The following PIGG variants were observed in gnomAD, a reference collection of about 807,000 sequenced individuals.
PIGG encodes GPI ethanolamine phosphate transferase 2, catalytic subunit.
PIGG carries 70 observed loss-of-function variants against 83.2 expected under a neutral mutation model. The ratio of observed to expected loss-of-function variants is 0.84; its 90% CI spans 0.69 to 1.03. The LOEUF (loss-of-function observed/expected upper bound fraction) is 1.03. Ranked by LOEUF, PIGG falls within the 50% of genes least tolerant of loss-of-function variation. The probability of loss-of-function intolerance (pLI) is 0.00; values close to 1 mark genes in which losing one functional copy is unlikely to be tolerated. For missense variants in PIGG, 1,257 were observed against 1,233.6 expected, an observed-to-expected ratio of 1.02 and a Z score of -0.28; for synonymous variants, 532 against 519.5, an observed-to-expected ratio of 1.02 and a Z score of -0.33.
chr4:526,420 C>T (rs1302891095), intron 9 of PIGG, among the ~76,000 whole-genome samples: 3 of 152,334 alleles, frequency 2.0e-5, no homozygotes, highest in South Asian at 2.1e-4. Flanking sequence ...GCATCGCGGT[C>T]GGGACTCCGG....
intron 12 of PIGG, among the ~76,000 whole-genome samples, chr4:538,116 C>G (rs544751602): frequency 6.6e-6 from 1 of 151,736 alleles, no homozygotes; most frequent in Admixed American, 6.6e-5. Context: ...GCAGCGGGAC[C>G]CACACACCCA....
intron 5 of PIGG, among the ~76,000 whole-genome samples, chr4:512,182 C>A (rs1480640794): frequency 2.0e-5 from 3 of 151,398 alleles, no homozygotes; most frequent in Non-Finnish European, 4.4e-5. Flanking sequence ...TATTGTTAAA[C>A]CCCTTTAGTG....
Position 528,442 on chromosome 4 carries a change from G to A in PIGG, c.2261+1212G>A, listed in dbSNP as rs1728250921. The A allele has an allele frequency of 2.0e-6, 2 of 985,290 alleles. No homozygotes were observed. The highest frequency in any genetic ancestry group is 2.4e-6 in the Non-Finnish European group (2 of 829,918). The allele number at this position is 985,290 out of a possible 1,614,324, so 61.0% of individuals were successfully genotyped here. ...TGAGGGGTGGCCGTGGGGCTCCGGG[G>A]GCACCCCTGGAAGTACTTCCTGGCT... On this transcript the variant is annotated intron_variant, in intron 10 of 12. Coordinates refer to ENST00000453061, the MANE Select transcript of PIGG (RefSeq NM_001127178.3). The surrounding 1 kb of genome is among the most constrained non-coding windows in gnomAD (Gnocchi z 4.8).
chr4:508,019 CTCTG>C (rs1720453724), intron 4 of PIGG, among the ~76,000 whole-genome samples: 1 of 152,226 alleles, frequency 6.6e-6, no homozygotes, highest in Non-Finnish European at 1.5e-5. Context: ...TTCTGTGTCA[CTCTG>C]TCTGTTCTGT....
Position 507,575 on chromosome 4 carries a change from C to T in PIGG, c.741C>T (p.His247=), listed in dbSNP as rs1553880406. Reference sequence around the variant, plus strand: ...TGGACAGCGTGCTGATGAAGATCCACACCTCACTGCAGTCGAAGGTGAGGC... The same window carrying T: ...TGGACAGCGTGCTGATGAAGATCCATACCTCACTGCAGTCGAAGGTGAGGC... ...SEMDSVLMKI[H]TSLQSKERET... Residue 247 remains histidine, a synonymous_variant, in exon 4 of 13, where the codon CAC becomes CAT. Transcript: ENST00000453061. The T allele has an allele frequency of 1.9e-6, 3 of 1,612,712 alleles. No individual in the cohort carries two copies. Among genetic ancestry groups the T allele is most frequent in the South Asian group, 2.2e-5 (2 of 90,916 alleles).
At chr4:509,064 C>T (rs1720933200) in intron 5 of PIGG, 94 bp downstream of exon 5, 1 of 1,099,570 alleles carries the variant, frequency 9.1e-7, no homozygotes, top group South Asian at 1.6e-5. Flanking sequence ...TTAGAAGCTC[C>T]ATAAGGTTGA....
Position 515,871 on chromosome 4 carries a change from G to C in PIGG, c.902-102G>C. The C allele has an allele frequency of 1.2e-6, 1 of 867,526 alleles. No homozygotes were observed. Among genetic ancestry groups the C allele is most frequent in the East Asian group, 2.4e-5 (1 of 41,088 alleles). The allele number at this position is 867,526 out of a possible 1,614,324, so 53.7% of individuals were successfully genotyped here. A position where few individuals can be genotyped will look rare whatever the true frequency, so the allele number is the denominator to read the frequency against. On this transcript the variant is annotated intron_variant, in intron 5 of 12. Transcript: ENST00000453061. This position sits in a 1 kb window ranked among gnomAD's most constrained non-coding sequence, Gnocchi z 4.2. ...TCTGTGTTGAGTGGTGTGAAGAGAC[G>C]GATCATTTGGCTCATGTTAGTTGTA...
At position 504,910 on chromosome 4, in the gene PIGG, C is replaced by T. The variant is rs79753940; in HGVS notation, c.361-808C>T. On this transcript the variant is annotated intron_variant, in intron 2 of 12. Transcript: ENST00000453061. ...AGGGTGGGAGCAGAAGAGACTATCC[C>T]AGTGGCCTCCCTGGCCCCCAGTTCA... 1.6e-3 allele frequency among the ~76,000 whole-genome samples: 240 copies of T among 152,280 alleles called. 1 individual carries two copies. Among genetic ancestry groups the T allele is most frequent in the African/African-American group, 5.6e-3 (234 of 41,554 alleles).
chr4:501,035 T>C, intron 2 of PIGG: 1 of 435,770 alleles, frequency 2.3e-6, no homozygotes, highest in South Asian at 1.7e-5. Flanking sequence ...TCCACCAGTA[T>C]ACATAATGAT....
rs1360435800 is a variant in PIGG at position 505,624 on chromosome 4, C to A, written c.361-94C>A. On this transcript the variant is annotated intron_variant, in intron 2 of 12. Coordinates refer to ENST00000453061, the MANE Select transcript of PIGG (RefSeq NM_001127178.3). Reference sequence around the variant, plus strand: ...CTCCATCCTGAGCAACAGAGAGGGACCCTGTCTCAAAAAAAAAAAAAAAAA... The same window carrying A: ...CTCCATCCTGAGCAACAGAGAGGGAACCTGTCTCAAAAAAAAAAAAAAAAA... 4 of 819,000 alleles carry A rather than the reference C, an allele frequency of 4.9e-6. No homozygotes were observed. In the East Asian group the frequency reaches 7.4e-5, roughly 15 times the overall value. 50.7% of individuals were successfully genotyped at this position (819,000 alleles called of 1,614,324 possible).
In PIGG at chr4:539,325, G is replaced by T. The variant is rs371821568; in HGVS notation, c.2908G>T (p.Val970Leu). Residue 970 changes from valine (V) to leucine (L), a missense_variant, in exon 13 of 13, where the codon GTA becomes TTA. Transcript: ENST00000453061. The stretch of plus-strand genomic sequence containing the variant: ...CCTGCTCATTACAGCTGCTGTCTGT[G>T]TATTCTTCACGGCAATGGATCAAAC... The part of the protein sequence containing the change: ...MHLLITAAVC[V>L]FFTAMDQTRL... 15 of 1,613,636 alleles carry T rather than the reference G, an allele frequency of 9.3e-6. No homozygotes were observed. Among genetic ancestry groups the T allele is most frequent in the Non-Finnish European group, 1.3e-5 (15 of 1,179,668 alleles).
chr4:508,992 CA>C, intron 5 of PIGG, 22 bp downstream of exon 5: 1 of 1,594,986 alleles, frequency 6.3e-7, no homozygotes, highest in South Asian at 1.1e-5. Context: ...GGAATGTTAA[CA>C]GTTGGAAATT....
At position 533,890 on chromosome 4, in the gene PIGG, C is replaced by T. The variant is rs754519011; in HGVS notation, c.2644C>T (p.Pro882Ser). 8 of 1,614,214 alleles carry T rather than the reference C, an allele frequency of 5.0e-6. No homozygotes were observed. In the Admixed American group the frequency reaches 1.0e-4, roughly 20 times the overall value. ...GGGCTTAGACACCTACGTGGAAATCCCAGCCGTGCTCCTGACAGCGTTTGG... is the reference window on the plus strand; with the variant it reads ...GGGCTTAGACACCTACGTGGAAATCTCAGCCGTGCTCCTGACAGCGTTTGG... ...FVGLDTYVEI[P>S]AVLLTAFGTY... The change falls in exon 12 of 13, where the codon CCA (proline) becomes TCA (serine). Residue 882 changes from proline to serine, a missense_variant. Coordinates refer to ENST00000453061, the MANE Select transcript of PIGG (RefSeq NM_001127178.3).
intron 5 of PIGG, among the ~76,000 whole-genome samples, chr4:512,458 G>A (rs1191961691): frequency 1.3e-5 from 2 of 151,684 alleles, no homozygotes; most frequent in Non-Finnish European, 2.9e-5. Flanking sequence ...CTTGTGATCT[G>A]CCCACCTCGG....
rs759036009 is a variant in PIGG at position 523,509 on chromosome 4, G to C, written c.1665G>C (p.Leu555=). The stretch of plus-strand genomic sequence containing the variant: ...GGTCAGAGCTAGACCTTCTTATTCT[G>C]TTGGGGACGGCGGGCCACGTCTTGA... ...SRWSELDLLI[L]LGTAGHVLSL... is the part of the protein sequence containing the mutation. The change falls in exon 9 of 13, where the codon CTG becomes CTC. Residue 555 remains leucine (L), a synonymous_variant. Coordinates refer to ENST00000453061, the MANE Select transcript of PIGG (RefSeq NM_001127178.3). The C allele has an allele frequency of 6.2e-7, 1 of 1,614,188 alleles. No individual in the cohort carries two copies. The highest frequency in any genetic ancestry group is 1.1e-5 in the South Asian group (1 of 91,080).
chr4:535,758 T>C (rs11940796), intron 12 of PIGG, among the ~76,000 whole-genome samples: 28,603 of 152,054 alleles, frequency 0.19, 3,270 homozygotes, highest in African/African-American at 0.33. Flanking sequence ...GTTTCTGTGG[T>C]CCCGCTCCGC....
intron 5 of PIGG, among the ~76,000 whole-genome samples, chr4:512,166 C>G (rs1344712745): frequency 2.0e-5 from 3 of 150,324 alleles, no homozygotes; most frequent in African/African-American, 7.3e-5. Context: ...TCTGCCAGTT[C>G]AAGTCTATTG....
At chr4:534,149 G>A (rs1427231676) in intron 12 of PIGG, among the ~76,000 whole-genome samples, 168 bp downstream of exon 12, 1 of 152,260 alleles carries the variant, frequency 6.6e-6, no homozygotes, top group Non-Finnish European at 1.5e-5. Context: ...AGGGCCAGAA[G>A]CCGGCCTGAG....
intron 2 of PIGG, among the ~76,000 whole-genome samples, chr4:505,150 C>T (rs1292609911): frequency 2.6e-5 from 4 of 152,136 alleles, no homozygotes; most frequent in African/African-American, 9.7e-5. Flanking sequence ...TCAGCTACAT[C>T]GCAAACCCAT....
Sources: allele counts gnomAD v4.1 joint callset (sites outside exome capture counted in the v4.1 genomes callset), GRCh38; gene constraint gnomAD v4.1.1; non-coding constraint Gnocchi (gnomAD v3.1); transcripts MANE v1.5; gene names NCBI Gene and HGNC (gene_info 2026-07-23, HGNC 2026-07-21).